TBC1D1: variants seen among roughly 807,000 people sequenced by gnomAD.
The protein encoded by TBC1D1 is TBC1 domain family member 1, also known as TBC1 (tre-2/USP6, BUB2, cdc16) domain family, member 1.
Under a neutral mutation model 125.6 loss-of-function variants are expected in TBC1D1, and 89 were observed. That is an observed-to-expected ratio of 0.71 (90% CI 0.60 to 0.85). TBC1D1 has a LOEUF of 0.85. Ranked by LOEUF, TBC1D1 falls within the 40% of genes least tolerant of loss-of-function variation. TBC1D1 has a pLI of 0.00. For missense variants in TBC1D1, 1,377 were observed against 1,469.2 expected (o/e 0.94, Z 1.03); for synonymous variants, 565 against 564.1 (o/e 1.00, Z -0.02).
chr4:38,021,506 C>G, intron 5 of TBC1D1, 80 bp from the exon 6 acceptor site: 2 of 1,315,802 alleles, frequency 1.5e-6, no homozygotes, highest in Non-Finnish European at 2.0e-6. Flanking sequence ...AAAATCTTTT[C>G]CAAAGATTTT....
At chr4:38,107,269 T>G (rs1227969424) in intron 15 of TBC1D1, among the ~76,000 whole-genome samples, 1 of 152,112 alleles carries the variant, frequency 6.6e-6, no homozygotes, top group Non-Finnish European at 1.5e-5. Flanking sequence ...CAGGGAGGCC[T>G]CCCACAGAAG....
chr4:37,925,489 G>C (rs1164073518), intron 2 of TBC1D1, among the ~76,000 whole-genome samples: 1 of 152,162 alleles, frequency 6.6e-6, no homozygotes, highest in African/African-American at 2.4e-5. Flanking sequence ...AGGTCGAGGT[G>C]GGGGGATCAT....
chr4:38,090,253 A>G (rs1301509880), intron 13 of TBC1D1, 136 bp downstream of exon 15: 1 of 797,110 alleles, frequency 1.3e-6, no homozygotes, highest in Admixed American at 3.0e-5. Flanking sequence ...ATATCTGTTT[A>G]CTTTTTCAGA....
At chr4:38,133,803 A>G (rs868630319) in intron 19 of TBC1D1, among the ~76,000 whole-genome samples, 1 of 152,234 alleles carries the variant, frequency 6.6e-6, no homozygotes, top group East Asian at 1.9e-4. Flanking sequence ...AGGTGAGGAC[A>G]TACAGAAGAA....
chr4:38,031,960 A>ATG (rs1746235437), intron 7 of TBC1D1, among the ~76,000 whole-genome samples: 1 of 152,382 alleles, frequency 6.6e-6, no homozygotes, highest in East Asian at 1.9e-4. Flanking sequence ...CAAATCAATG[A>ATG]TGTATAATTC....
chr4:37,906,373 C>T (rs894066784), intron 2 of TBC1D1, among the ~76,000 whole-genome samples: 5 of 152,210 alleles, frequency 3.3e-5, no homozygotes, highest in African/African-American at 9.7e-5. Flanking sequence ...GTCTCGAACT[C>T]CTGACCTCAA....
Position 37,946,985 on chromosome 4 carries a change from A to G in TBC1D1, c.417+44473A>G, listed in dbSNP as rs952486998. On this transcript the variant is annotated intron_variant, in intron 2 of 19. Transcript: ENST00000261439. Reference sequence around the variant, plus strand: ...GAAAACAGCCTACATGTCTGGCAACAGGTGGTAAATGGCATGCGACTCAAC... The same window carrying G: ...GAAAACAGCCTACATGTCTGGCAACGGGTGGTAAATGGCATGCGACTCAAC... 2.6e-5 allele frequency among the ~76,000 whole-genome samples: 4 copies of G among 152,318 alleles called. 1 individual carries two copies. Among genetic ancestry groups the G allele is most frequent in the African/African-American group, 9.6e-5 (4 of 41,576 alleles).
chr4:37,951,940 G>A, intron 2 of TBC1D1: 1 of 716,922 alleles, frequency 1.4e-6, no homozygotes, highest in South Asian at 1.5e-5. Context: ...CCCTGTGACT[G>A]TACAAACCTA....
At chr4:38,107,352 T>C (rs1478520561) in intron 15 of TBC1D1, among the ~76,000 whole-genome samples, 1 of 152,190 alleles carries the variant, frequency 6.6e-6, no homozygotes, top group African/African-American at 2.4e-5. Flanking sequence ...GTCAGTTGTT[T>C]AGTCTACACT....
At chr4:38,062,004 A>G (rs1752856077) in intron 12 of TBC1D1, among the ~76,000 whole-genome samples, 1 of 152,152 alleles carries the variant, frequency 6.6e-6, no homozygotes, top group African/African-American at 2.4e-5. Context: ...TGTGCACCAA[A>G]AGCACCTGGG....
At chr4:38,034,973 C>T (rs974930836) in intron 7 of TBC1D1, among the ~76,000 whole-genome samples, 11 of 152,218 alleles carry the variant, frequency 7.2e-5, no homozygotes, top group Admixed American at 1.3e-4. Context: ...TGGCTTCACA[C>T]TTCTCGGCAG....
At chr4:37,892,384 G>A (rs1187136218) in intron 1 of TBC1D1, among the ~76,000 whole-genome samples, 1 of 152,034 alleles carries the variant, frequency 6.6e-6, no homozygotes, top group Non-Finnish European at 1.5e-5. Flanking sequence ...CCACCTCACT[G>A]GAGCCTGGGT....
intron 2 of TBC1D1, among the ~76,000 whole-genome samples, chr4:38,012,743 C>G (rs188935013): frequency 6.6e-6 from 1 of 152,144 alleles, no homozygotes; most frequent in African/African-American, 2.4e-5. Context: ...TAAAAGTGGG[C>G]TATAACCAAG....
At chr4:37,988,859 A>G (rs971563466) in intron 2 of TBC1D1, among the ~76,000 whole-genome samples, 2 of 152,122 alleles carry the variant, frequency 1.3e-5, no homozygotes, top group South Asian at 4.1e-4. Flanking sequence ...ATGCTTCATT[A>G]CACCTTCCTC....
chr4:37,985,253 TATATTTATG>T (rs1311602202), intron 2 of TBC1D1, among the ~76,000 whole-genome samples: 2 of 152,210 alleles, frequency 1.3e-5, no homozygotes, highest in Non-Finnish European at 2.9e-5. Context: ...GCGCCCAGCC[TATATTTATG>T]ATATTTATGA....
chr4:37,990,050 G>C (rs567518389), intron 2 of TBC1D1, among the ~76,000 whole-genome samples: 1 of 152,188 alleles, frequency 6.6e-6, no homozygotes, highest in Non-Finnish European at 1.5e-5. Context: ...GGTATTTTGC[G>C]GAAGTTCTTT....
intron 7 of TBC1D1, among the ~76,000 whole-genome samples, chr4:38,034,900 C>T (rs1466628071): frequency 6.6e-6 from 1 of 151,752 alleles, no homozygotes; most frequent in Non-Finnish European, 1.5e-5. Context: ...AGGAGGAGAC[C>T]ATAGAGTTTC....
At position 38,044,410 on chromosome 4, in the gene TBC1D1, G is replaced by A. The variant is rs750857832; in HGVS notation, c.1462G>A (p.Ala488Thr). The change falls in exon 9 of 20, where the codon GCC (alanine) becomes ACC (threonine). Residue 488 changes from alanine to threonine, a missense_variant. By Grantham distance (58) the Ala-to-Thr change is moderately conservative (BLOSUM62 0). Around this residue, in one of 3 missense-constraint regions of TBC1D1, gnomAD observed 822 missense variants for 824.6 expected, o/e 1.00. Transcript: ENST00000261439. ...TATTGGAAGTGAATTACCACCCAGT[G>A]CCACTCGATTTAGGCTAGATATGCT... The A allele has an allele frequency of 6.2e-7, 1 of 1,613,320 alleles. No individual in the cohort carries two copies. The highest frequency in any genetic ancestry group is 8.5e-7 in the Non-Finnish European group (1 of 1,179,882).
At chr4:38,081,242 C>T (rs965165461) in intron 12 of TBC1D1, among the ~76,000 whole-genome samples, 1 of 152,140 alleles carries the variant, frequency 6.6e-6, no homozygotes. Flanking sequence ...GTGCTCAGGG[C>T]GCCATGGTGC....
Sources: allele counts gnomAD v4.1 joint callset (sites outside exome capture counted in the v4.1 genomes callset), GRCh38; gene constraint gnomAD v4.1.1; regional missense constraint gnomAD v4.1.1; transcripts MANE v1.5; gene names NCBI Gene and HGNC (gene_info 2026-07-23, HGNC 2026-07-21).